Variants in SH3D19 observed in about 807,000 individuals in gnomAD.
The protein encoded by SH3D19 is SH3 domain-containing protein 19.
SH3D19 carries 58 observed loss-of-function variants against 112.1 expected under a neutral mutation model. The observed-to-expected ratio is 0.52, with a 90% CI of 0.42 to 0.64. The LOEUF (loss-of-function observed/expected upper bound fraction) is 0.64. Ranked by LOEUF, SH3D19 falls within the 30% of genes least tolerant of loss-of-function variation. The pLI is 0.00. For missense variants in SH3D19, 1,090 were observed against 1,263.4 expected (o/e 0.86, Z 2.08); for synonymous variants, 391 against 448.5 (o/e 0.87, Z 1.62).
chr4:151,189,975 A>T (rs907708757), intron 2 of SH3D19, among the ~76,000 whole-genome samples: 2 of 152,196 alleles, frequency 1.3e-5, no homozygotes, highest in African/African-American at 4.8e-5. Flanking sequence ...GGCTTTGCCC[A>T]AAATGCTGAT....
intron 7 of SH3D19, among the ~76,000 whole-genome samples, chr4:151,170,190 G>A (rs79599251): frequency 0.068 from 10,398 of 152,094 alleles, 605 homozygotes; most frequent in East Asian, 0.19. Flanking sequence ...TGGTTACCGT[G>A]GGGAGTTTAC....
intron 1 of SH3D19, among the ~76,000 whole-genome samples, chr4:151,272,763 C>CTTTTTTTTTTT (rs548803369): frequency 1.4e-5 from 2 of 142,734 alleles, no homozygotes. Flanking sequence ...TTTCACTTTT[C>CTTTTTTTTTTT]TTTTTTTTTT....
chr4:151,272,480 C>T (rs1773295547), intron 1 of SH3D19, among the ~76,000 whole-genome samples: 1 of 152,144 alleles, frequency 6.6e-6, no homozygotes, highest in South Asian at 2.1e-4. Flanking sequence ...TCTTACAAAG[C>T]TAAATGCCAT....
intron 1 of SH3D19, chr4:151,290,987 C>T (rs1775276382): frequency 3.1e-6 from 2 of 640,992 alleles, no homozygotes; most frequent in South Asian, 4.0e-5. Flanking sequence ...AGTGATTAGT[C>T]CAGCCCCCTG....
chr4:151,280,204 G>T (rs551582944), intron 1 of SH3D19, among the ~76,000 whole-genome samples: 5 of 84,376 alleles, frequency 5.9e-5, no homozygotes, highest in Admixed American at 2.6e-4. Context: ...CTAAATACCA[G>T]TCAGGAGATT....
chr4:151,216,783 C>T (rs1271057470), intron 2 of SH3D19, among the ~76,000 whole-genome samples: 1 of 152,086 alleles, frequency 6.6e-6, no homozygotes, highest in Non-Finnish European at 1.5e-5. Flanking sequence ...TTCAATTACC[C>T]AACTGCTACA....
chr4:151,132,462 G>T, intron 16 of SH3D19, 79 bp from the exon 17 acceptor site: 1 of 1,202,244 alleles, frequency 8.3e-7, no homozygotes, highest in Non-Finnish European at 1.2e-6. Flanking sequence ...ACAAATGGTT[G>T]AGGTGGGAGG....
intron 1 of SH3D19, among the ~76,000 whole-genome samples, chr4:151,323,748 T>C (rs1189434135): frequency 6.6e-6 from 1 of 152,196 alleles, no homozygotes; most frequent in East Asian, 1.9e-4. Flanking sequence ...TGAAAACTAA[T>C]TACAAAATGT....
At chr4:151,179,053 G>C (rs1008858402) in intron 4 of SH3D19, among the ~76,000 whole-genome samples, 13 of 152,100 alleles carry the variant, frequency 8.5e-5, no homozygotes, top group African/African-American at 2.7e-4. Context: ...AGTAGCATGA[G>C]GTACAAAGCA....
chr4:151,156,566 A>C (rs1245165115), intron 9 of SH3D19, among the ~76,000 whole-genome samples: 1 of 152,200 alleles, frequency 6.6e-6, no homozygotes, highest in Non-Finnish European at 1.5e-5. Context: ...AAGAACAGTC[A>C]TTGGGGAAAG....
At chr4:151,283,325 G>T in intron 1 of SH3D19, 1 of 1,596,508 alleles carries the variant, frequency 6.3e-7, no homozygotes, top group South Asian at 1.1e-5. Context: ...TTAAACATGA[G>T]ATCTTAATTT....
chr4:151,291,000 G>A, intron 1 of SH3D19: 1 of 689,806 alleles, frequency 1.4e-6, no homozygotes, highest in Non-Finnish European at 2.4e-6. Context: ...GCCCCCTGCA[G>A]GGTTCCACAG....
intron 6 of SH3D19, 102 bp from the exon 7 acceptor site, chr4:151,175,776 A>C: frequency 9.3e-7 from 1 of 1,069,570 alleles, no homozygotes; most frequent in South Asian, 4.9e-5. Context: ...AACTACATAC[A>C]TGGAATATCA....
chr4:151,255,231 G>GGGGC (rs1345286760), intron 1 of SH3D19, among the ~76,000 whole-genome samples: 1 of 150,772 alleles, frequency 6.6e-6, no homozygotes, highest in African/African-American at 2.4e-5. Flanking sequence ...CTTCTCAGAC[G>GGGGC]GGGCGGCTGC....
chr4:151,140,510 T>C (rs955813019), intron 12 of SH3D19: 10 of 152,240 alleles, frequency 6.6e-5, no homozygotes, highest in Non-Finnish European at 1.3e-4. Context: ...TCTCTATCCA[T>C]CTAGCCAAAT....
chr4:151,179,878 G>T (rs1760571092), intron 3 of SH3D19, among the ~76,000 whole-genome samples: 1 of 152,034 alleles, frequency 6.6e-6, no homozygotes, highest in African/African-American at 2.4e-5. Flanking sequence ...TAACCTTTAA[G>T]TTGTTTTATT....
intron 1 of SH3D19, among the ~76,000 whole-genome samples, chr4:151,248,535 A>C (rs1771119670): frequency 6.6e-6 from 1 of 152,236 alleles, no homozygotes; most frequent in South Asian, 2.1e-4. Context: ...AACTTAATTT[A>C]ACAAGAAAAT....
intron 6 of SH3D19, among the ~76,000 whole-genome samples, chr4:151,176,180 G>A (rs1038317690): frequency 2.0e-5 from 3 of 152,144 alleles, no homozygotes; most frequent in Non-Finnish European, 4.4e-5. Context: ...CTTTAAAAAA[G>A]CCTAACAGGA....
chr4:151,307,260 G>A (rs987761703), intron 1 of SH3D19, among the ~76,000 whole-genome samples: 1 of 151,816 alleles, frequency 6.6e-6, no homozygotes, highest in African/African-American at 2.4e-5. Flanking sequence ...CTGACCTCGT[G>A]ATCCGCCCGC....
Sources: gnomAD v4.1 joint callset for allele counts (sites outside exome capture counted in the v4.1 genomes callset) on GRCh38, gnomAD v4.1.1 for gene constraint, MANE v1.5 for transcripts, NCBI Gene and HGNC (gene_info 2026-07-23, HGNC 2026-07-21) for gene names.